PAK3: variants seen among roughly 807,000 people sequenced by gnomAD.
PAK3 encodes the protein p21 (RAC1) activated kinase 3, also known as serine/threonine-protein kinase PAK 3.
Under a neutral mutation model 41.0 loss-of-function variants are expected in PAK3, and 4 were observed. That is an observed-to-expected ratio of 0.10 (90% CI 0.05 to 0.22). PAK3 has a LOEUF of 0.22. Ranked by LOEUF, PAK3 falls within the 10% of genes least tolerant of loss-of-function variation. The pLI is 1.00. For synonymous variants in PAK3, 146 were observed against 139.6 expected, an observed-to-expected ratio of 1.05 and a Z score of -0.32; for missense variants, 205 against 409.9, an observed-to-expected ratio of 0.50 and a Z score of 4.32.
In PAK3 at chrX:111,220,998, C is replaced by CA. The variant is rs999259677; in HGVS notation, c.*557dup. The CA allele has an allele frequency of 1.2e-5, 1 of 80,912 alleles. No homozygotes were observed. Among genetic ancestry groups the CA allele is most frequent in the Non-Finnish European group, 2.4e-5 (1 of 41,600 alleles). The allele number at this position is 80,912 out of a possible 1,213,427, so 6.7% of individuals were successfully genotyped here. On this transcript the variant is annotated 3_prime_UTR_variant, in exon 18 of 18. Coordinates refer to ENST00000372007, the MANE Select transcript of PAK3 (RefSeq NM_002578.5). ...CAAAAACAAAACAAAAACAAGCAAA[C>CA]AAAAAATACCAGAGCAAGTACTGTG...
chrX:111,087,780 A>C lies in PAK3; in HGVS notation c.-27-35297A>C, dbSNP rs1396476972. Among the ~76,000 whole-genome samples, 3 of 91,989 alleles carry C rather than the reference A, an allele frequency of 3.3e-5. No homozygotes were observed. In the East Asian group the frequency reaches 1.1e-3, roughly 33 times the overall value. The allele number at this position is 91,989 out of a possible 115,157, so 79.9% of individuals were successfully genotyped here. ...AAAAAAAAAAACAAAAAAAAAAAAAACAGAAGACAAAAAGCAAACAAACAA... is the reference window on the plus strand; with the variant it reads ...AAAAAAAAAAACAAAAAAAAAAAAACCAGAAGACAAAAAGCAAACAAACAA... On this transcript the variant is annotated intron_variant, in intron 1 of 14. Transcript: ENST00000425146.
chrX:110,952,694 T>C (rs1472743614), intron 1 of PAK3, among the ~76,000 whole-genome samples: 1 of 111,633 alleles, frequency 9.0e-6, no homozygotes, highest in Non-Finnish European at 1.9e-5. Flanking sequence ...ACTTGAACTA[T>C]TGACAATTAT....
chrX:111,204,772 G>A, intron 16 of PAK3, among the ~76,000 whole-genome samples: 1 of 110,159 alleles, frequency 9.1e-6, no homozygotes, highest in African/African-American at 3.3e-5. Context: ...GTAGCTGGGA[G>A]AGTCAGAGTT....
chrX:111,225,380 A>G lies in PAK3; in HGVS notation c.*4933A>G, dbSNP rs1391372656. ...ACACCTGTGTGTACGAGTATTCTAT[A>G]CAACTTGTAGCATTTACTGCCACTT... On this transcript the variant is annotated 3_prime_UTR_variant, in exon 18 of 18. Transcript: ENST00000372007. The G allele has an allele frequency of 8.9e-6, 1 of 112,244 alleles. No homozygotes were observed. Among genetic ancestry groups the G allele is most frequent in the Non-Finnish European group, 1.9e-5 (1 of 53,327 alleles). The allele number at this position is 112,244 out of a possible 1,213,427, so 9.3% of individuals were successfully genotyped here.
intron 1 of PAK3, among the ~76,000 whole-genome samples, chrX:110,985,410 A>G (rs1430943586): frequency 8.9e-6 from 1 of 112,190 alleles, no homozygotes; most frequent in Non-Finnish European, 1.9e-5. Context: ...TGTCTTTTTC[A>G]TCATTATGTC....
At chrX:110,951,728 C>T (rs1461895958) in intron 1 of PAK3, among the ~76,000 whole-genome samples, 2 of 112,516 alleles carry the variant, frequency 1.8e-5, no homozygotes, top group Non-Finnish European at 3.8e-5. Context: ...AGTAAACATG[C>T]TCTTTAATTC....
At chrX:110,969,614 C>A (rs950837310) in intron 1 of PAK3, among the ~76,000 whole-genome samples, 3 of 109,814 alleles carry the variant, frequency 2.7e-5, no homozygotes, top group African/African-American at 1.0e-4. Flanking sequence ...CCACTGAATT[C>A]TTTTTGCACC....
chrX:111,208,088 C>T (rs2094775387), intron 16 of PAK3, among the ~76,000 whole-genome samples: 1 of 112,244 alleles, frequency 8.9e-6, no homozygotes, highest in African/African-American at 3.2e-5. Flanking sequence ...GCCACCACGC[C>T]CAGCCTGTTT....
At chrX:111,054,047 C>T (rs909740213) in intron 1 of PAK3, among the ~76,000 whole-genome samples, 2 of 112,056 alleles carry the variant, frequency 1.8e-5, no homozygotes, top group Non-Finnish European at 3.8e-5. Context: ...AACCCTTGTG[C>T]AGATTAGAGC....
At chrX:111,112,481 A>G (rs1288313666) in intron 4 of PAK3, among the ~76,000 whole-genome samples, 2 of 109,883 alleles carry the variant, frequency 1.8e-5, no homozygotes, top group Non-Finnish European at 3.8e-5. Context: ...AACTTTGTTC[A>G]TCTCTCACCC....
chrX:111,013,457 T>C (rs1028698196), intron 1 of PAK3, among the ~76,000 whole-genome samples: 11 of 110,894 alleles, frequency 9.9e-5, no homozygotes. Flanking sequence ...ACTCAATTTC[T>C]GTTTTACTTC....
At chrX:111,089,586 T>C (rs1422811262) in intron 1 of PAK3, among the ~76,000 whole-genome samples, 1 of 110,845 alleles carries the variant, frequency 9.0e-6, no homozygotes, top group Non-Finnish European at 1.9e-5. Context: ...TTCAATATCA[T>C]TGGGTAGGGA....
chrX:111,078,658 G>A (rs2092807740), intron 1 of PAK3, among the ~76,000 whole-genome samples: 1 of 110,678 alleles, frequency 9.0e-6, no homozygotes, highest in Non-Finnish European at 1.9e-5. Flanking sequence ...CAGTCTCTAA[G>A]CATTCAAGTG....
intron 1 of PAK3, among the ~76,000 whole-genome samples, chrX:110,967,292 G>A (rs950678833): frequency 1.8e-5 from 2 of 113,070 alleles, no homozygotes; most frequent in African/African-American, 3.2e-5. Context: ...ACAGGAAACA[G>A]AAGGATAGTA....
At chrX:111,174,526 G>A (rs751431831) in intron 11 of PAK3, among the ~76,000 whole-genome samples, 24 of 111,572 alleles carry the variant, frequency 2.2e-4, no homozygotes, top group Middle Eastern at 4.6e-3. Flanking sequence ...TCCTGTCACC[G>A]AATGGGTCAA....
At chrX:111,077,820 A>G (rs1439631547) in intron 1 of PAK3, among the ~76,000 whole-genome samples, 1 of 111,992 alleles carries the variant, frequency 8.9e-6, no homozygotes, top group East Asian at 2.8e-4. Flanking sequence ...GGATTACATC[A>G]AGCTAAAAAT....
At position 111,189,514 on chromosome X, in the gene PAK3, C is replaced by T. The variant is rs745787706; in HGVS notation, c.831-2613C>T. ...GAACTCTCCAAACTGCTTTCCACAG[C>T]GGAAGACCTAATTTACATTCCCTCC... On this transcript the variant is annotated intron_variant, in intron 11 of 17. Transcript: ENST00000372007. Among the ~76,000 whole-genome samples the T allele has an allele frequency of 1.0e-3, 116 of 111,880 alleles. 1 individual carries two copies. Among genetic ancestry groups the T allele is most frequent in the South Asian group, 3.4e-3 (9 of 2,624 alleles).
chrX:111,057,853 C>T (rs180946206), intron 1 of PAK3, among the ~76,000 whole-genome samples: 2 of 111,760 alleles, frequency 1.8e-5, no homozygotes, highest in Non-Finnish European at 1.9e-5. Flanking sequence ...TACTCCTGGT[C>T]ACCAGCAACC....
chrX:111,135,220 C>A (rs756697768), intron 5 of PAK3, among the ~76,000 whole-genome samples: 2 of 111,085 alleles, frequency 1.8e-5, no homozygotes, highest in Non-Finnish European at 3.8e-5. Flanking sequence ...AACTAGGCAA[C>A]TAATCAGATG....
Sources: allele counts gnomAD v4.1 joint callset (sites outside exome capture counted in the v4.1 genomes callset), GRCh38; gene constraint gnomAD v4.1.1; transcripts MANE v1.5; gene names NCBI Gene and HGNC (gene_info 2026-07-23, HGNC 2026-07-21).